CASZ1: variants seen among roughly 807,000 people sequenced by gnomAD.
The protein encoded by CASZ1 is castor zinc finger 1, also known as zinc finger protein castor homolog 1.
CASZ1 carries 28 observed loss-of-function variants against 135.2 expected under a neutral mutation model. The observed-to-expected ratio is 0.21, with a 90% CI of 0.15 to 0.28. The LOEUF is 0.28. CASZ1 is among the 10% of genes least tolerant of loss of function. The probability of loss-of-function intolerance (pLI) is 1.00; values close to 1 mark genes in which losing one functional copy is unlikely to be tolerated. For synonymous variants in CASZ1, 1,068 were observed against 1,073.4 expected (o/e 0.99, Z 0.10); for missense variants, 2,161 against 2,453.3 (o/e 0.88, Z 2.52).
rs1218509351 is a variant in CASZ1, at chr1:10,660,705, ATTAAT to A, written c.506-174_506-170del. ...ACTTGTTAGGTTTTACGACTCTTAA[ATTAAT>A]TTGTTTTAAAAAAAAGTAATTAATA... On this transcript the variant is annotated intron_variant, in intron 5 of 20. Transcript: ENST00000377022. 10 of 576,372 alleles carry A rather than the reference ATTAAT, an allele frequency of 1.7e-5. No individual in the cohort carries two copies. In the East Asian group the frequency reaches 2.3e-4, roughly 13 times the overall value. The allele number at this position is 576,372 out of a possible 1,614,324, so 35.7% of individuals were successfully genotyped here. A position where few individuals can be genotyped will look rare whatever the true frequency, so the allele number is the denominator to read the frequency against.
intron 1 of CASZ1, among the ~76,000 whole-genome samples, chr1:10,785,516 C>A (rs1257763475): frequency 6.6e-6 from 1 of 152,220 alleles, no homozygotes; most frequent in Non-Finnish European, 1.5e-5. Flanking sequence ...CTCGCCCCTC[C>A]AGTGCCCCCC....
Position 10,666,953 on chromosome 1 carries a change from A to G in CASZ1, c.17-1382T>C, listed in dbSNP as rs1196693459. Among the ~76,000 whole-genome samples, 1 of 152,218 alleles carries G rather than the reference A, an allele frequency of 6.6e-6. No individual in the cohort carries two copies. The highest frequency in any genetic ancestry group is 2.4e-5 in the African/African-American group (1 of 41,466). ...GCTCGGCTCACACTCACTGTGTACA[A>G]AACAAAATGTGCCTCTCCATGGCCC... On this transcript the variant is annotated intron_variant, in intron 4 of 20. Coordinates refer to ENST00000377022, the MANE Select transcript of CASZ1 (RefSeq NM_001079843.3). This position sits in a 1 kb window ranked among gnomAD's most constrained non-coding sequence, Gnocchi z 5.2.
In CASZ1 at chr1:10,639,843, G is replaced by A. The variant is rs780692802; in HGVS notation, c.4379C>T (p.Thr1460Met). ...GAACTTGTAGCCGCAGTTCTCGCGC[G>A]TGCAGTGGTAGTGGGTGACCTTGAG... ...FSLKVTHYHC[T>M]RENCGYKFCG... The change falls in exon 21 of 21, where the codon ACG becomes ATG. Residue 1460 changes from threonine to methionine, a missense_variant. This residue lies in a region of CASZ1 where 240 missense variants were observed against 321.4 expected (regional missense o/e 0.75). Coordinates refer to ENST00000377022, the MANE Select transcript of CASZ1 (RefSeq NM_001079843.3). This position sits in a 1 kb window ranked among gnomAD's most constrained non-coding sequence, Gnocchi z 4.0. 4 of 1,611,686 alleles carry A rather than the reference G, an allele frequency of 2.5e-6. No homozygotes were observed. The South Asian group carries it at 3.3e-5, about 13-fold the overall frequency.
Position 10,694,584 on chromosome 1 carries a change from CCCG to C in CASZ1, c.-23-675_-23-673del, listed in dbSNP as rs1171158662. On this transcript the variant is annotated intron_variant, in intron 3 of 20. Transcript: ENST00000377022. This position sits in a 1 kb window ranked among gnomAD's most constrained non-coding sequence, Gnocchi z 6.6. ...GGCAGGTGAAAGAGCAGAGCGCGGC[CCCG>C]CCGCCGCCGCCGCCGCCGCCGCCGC... is the stretch of plus-strand genomic sequence containing the variant. The C allele has an allele frequency of 0.13, 17,449 of 137,332 alleles. 1,222 individuals carry two copies. The highest frequency in any genetic ancestry group is 0.15 in the Non-Finnish European group (9,275 of 63,504). The allele number at this position is 137,332 out of a possible 1,614,324, so 8.5% of individuals were successfully genotyped here.
Position 10,747,973 on chromosome 1 carries a change from C to A in CASZ1, c.-77+12728G>T, listed in dbSNP as rs570277596. 6.6e-6 allele frequency among the ~76,000 whole-genome samples: 1 copy of A among 152,192 alleles called. No individual in the cohort carries two copies. The highest frequency in any genetic ancestry group is 2.4e-5 in the African/African-American group (1 of 41,438). The stretch of plus-strand genomic sequence containing the variant: ...CTGGGACTAGAGGCACCCGCCACCA[C>A]GCCCGGCTAAGTTTTTTGTATTTTT... On this transcript the variant is annotated intron_variant, in intron 2 of 20. Transcript: ENST00000377022. The surrounding 1 kb of genome is among the most constrained non-coding windows in gnomAD (Gnocchi z 4.3).
intron 1 of CASZ1, among the ~76,000 whole-genome samples, chr1:10,796,207 C>T (rs939888361): frequency 1.3e-5 from 2 of 151,984 alleles, no homozygotes; most frequent in Admixed American, 1.3e-4. Flanking sequence ...TTCTCCCCTA[C>T]CCCGCCACCC....
intron 4 of CASZ1, among the ~76,000 whole-genome samples, chr1:10,668,840 C>T (rs984808154): frequency 3.3e-5 from 5 of 152,264 alleles, no homozygotes; most frequent in Non-Finnish European, 7.3e-5. Context: ...GAAAAAGCAG[C>T]TGAGCCCTGG....
chr1:10,682,195 C>T (rs1337112790), intron 4 of CASZ1, among the ~76,000 whole-genome samples: 2 of 151,660 alleles, frequency 1.3e-5, no homozygotes, highest in Admixed American at 1.3e-4. Context: ...CTGTCCCAGA[C>T]AACTGGGACA....
rs1041260053 is a variant in CASZ1 at position 10,719,899 on chromosome 1, T to G, written c.-76-14355A>C. 6.6e-6 allele frequency among the ~76,000 whole-genome samples: 1 copy of G among 152,258 alleles called. No homozygotes were observed. Among genetic ancestry groups the G allele is most frequent in the African/African-American group, 2.4e-5 (1 of 41,472 alleles). On this transcript the variant is annotated intron_variant, in intron 2 of 20. Transcript: ENST00000377022. The surrounding 1 kb of genome is among the most constrained non-coding windows in gnomAD (Gnocchi z 4.0). ...CCCCTGAGAGGAGGCAAATCTTGTC[T>G]TCTTGGTGCAGTGAAGAGGCCAGCA...
Position 10,639,545 on chromosome 1 carries a change from C to A in CASZ1, c.4677G>T (p.Val1559=). Residue 1559 remains valine, a synonymous_variant, in exon 21 of 21, where the codon GTG becomes GTT. Coordinates refer to ENST00000377022, the MANE Select transcript of CASZ1 (RefSeq NM_001079843.3). The surrounding 1 kb of genome is among the most constrained non-coding windows in gnomAD (Gnocchi z 4.0). Reference sequence around the variant, plus strand: ...ACTTGAGCTTGTACTTGCAGTCGGGCACGGCGCAGTCGGCGCTGGAGCTGA... The same window carrying A: ...ACTTGAGCTTGTACTTGCAGTCGGGAACGGCGCAGTCGGCGCTGGAGCTGA... ...CQFSSSADCA[V]PDCKYKLKCS... The A allele has an allele frequency of 6.2e-7, 1 of 1,610,706 alleles. No individual in the cohort carries two copies. The highest frequency in any genetic ancestry group is 8.5e-7 in the Non-Finnish European group (1 of 1,178,424).
intron 4 of CASZ1, among the ~76,000 whole-genome samples, chr1:10,678,275 T>C (rs1638300309): frequency 6.6e-6 from 1 of 152,178 alleles, no homozygotes. Context: ...GGGACTAATT[T>C]AGGAGTATTT....
intron 2 of CASZ1, among the ~76,000 whole-genome samples, chr1:10,740,061 G>GC (rs1487703760): frequency 2.0e-5 from 3 of 152,160 alleles, no homozygotes; most frequent in Non-Finnish European, 2.9e-5. Flanking sequence ...TAGGAAAGCT[G>GC]CCCCCCTGGC....
intron 1 of CASZ1, among the ~76,000 whole-genome samples, chr1:10,791,723 AAGAG>A (rs1295878123): frequency 8.9e-5 from 12 of 134,674 alleles, no homozygotes; most frequent in Admixed American, 2.3e-4. Flanking sequence ...GGGCTAAAAA[AAGAG>A]AGAGAGAAAA....
intron 2 of CASZ1, among the ~76,000 whole-genome samples, chr1:10,742,446 A>T (rs967655189): frequency 2.6e-5 from 4 of 152,190 alleles, no homozygotes; most frequent in Non-Finnish European, 5.9e-5. Flanking sequence ...TAAAGTGAAC[A>T]GGCAGAGATT....
intron 18 of CASZ1, among the ~76,000 whole-genome samples, chr1:10,643,786 G>A (rs981252107): frequency 6.6e-6 from 1 of 152,248 alleles, no homozygotes; most frequent in Non-Finnish European, 1.5e-5. Flanking sequence ...TCATGGGGCA[G>A]GTGAGGGCCT....
chr1:10,681,737 C>G (rs1402880501), intron 4 of CASZ1, among the ~76,000 whole-genome samples: 1 of 152,212 alleles, frequency 6.6e-6, no homozygotes, highest in African/African-American at 2.4e-5. Context: ...GTTAGGGTGG[C>G]GCTGGGCCCC....
intron 4 of CASZ1, among the ~76,000 whole-genome samples, chr1:10,668,246 C>A (rs1447477961): frequency 6.6e-6 from 1 of 152,132 alleles, no homozygotes; most frequent in Non-Finnish European, 1.5e-5. Flanking sequence ...AGACGATCCG[C>A]CCCCCACCCC....
intron 1 of CASZ1, among the ~76,000 whole-genome samples, chr1:10,771,536 A>C (rs936353819): frequency 3.3e-5 from 5 of 150,290 alleles, no homozygotes; most frequent in African/African-American, 9.7e-5. Context: ...GGAAAAAAAA[A>C]CATAGCTGTT....
In CASZ1 at chr1:10,666,917, C is replaced by T. The variant is rs967387094; in HGVS notation, c.17-1346G>A. Among the ~76,000 whole-genome samples the T allele has an allele frequency of 6.6e-6, 1 of 152,252 alleles. No homozygotes were observed. The highest frequency in any genetic ancestry group is 2.4e-5 in the African/African-American group (1 of 41,456). ...GGGCTTGGGGACAGCGCAGTGGCCA[C>T]AGCAGCAGGGGCTCGGCTCACACTC... is the stretch of plus-strand genomic sequence containing the variant. On this transcript the variant is annotated intron_variant, in intron 4 of 20. Transcript: ENST00000377022. The surrounding 1 kb of genome is among the most constrained non-coding windows in gnomAD (Gnocchi z 5.2).
Sources: allele counts gnomAD v4.1 joint callset (sites outside exome capture counted in the v4.1 genomes callset), GRCh38; gene constraint gnomAD v4.1.1; regional missense constraint gnomAD v4.1.1; non-coding constraint Gnocchi (gnomAD v3.1); transcripts MANE v1.5; gene names NCBI Gene and HGNC (gene_info 2026-07-23, HGNC 2026-07-21).